The following ZNF654 variants were observed in gnomAD, a reference collection of about 807,000 sequenced individuals.
ZNF654 encodes the protein zinc finger protein 654.
A neutral mutation model predicts 95.3 loss-of-function variants in ZNF654; 19 were observed. The observed-to-expected ratio is 0.20, with a 90% CI of 0.14 to 0.29. The LOEUF (loss-of-function observed/expected upper bound fraction) is 0.29. Ranked by LOEUF, ZNF654 falls within the 10% of genes least tolerant of loss-of-function variation. ZNF654 has a pLI of 1.00. For synonymous variants in ZNF654, 413 were observed against 457.9 expected, an observed-to-expected ratio of 0.90 and a Z score of 1.25; for missense variants, 1,046 against 1,341.0, an observed-to-expected ratio of 0.78 and a Z score of 3.44.
At chr3:88,060,029 G>C (rs1057176399) in intron 1 of ZNF654, among the ~76,000 whole-genome samples, 2 of 151,954 alleles carry the variant, frequency 1.3e-5, no homozygotes, top group Non-Finnish European at 2.9e-5. Flanking sequence ...AGATCCCGCT[G>C]GGCCGGTTCT....
At chr3:88,087,277 C>T (rs1254859136) in intron 2 of ZNF654, among the ~76,000 whole-genome samples, 1 of 151,772 alleles carries the variant, frequency 6.6e-6, no homozygotes, top group African/African-American at 2.4e-5. Context: ...AGGGTTTCAC[C>T]GTGTTGGCCA....
chr3:88,075,154 T>C (rs1707730355), intron 1 of ZNF654, among the ~76,000 whole-genome samples: 1 of 152,256 alleles, frequency 6.6e-6, no homozygotes, highest in South Asian at 2.1e-4. Context: ...TTCTGTTTCT[T>C]CTGTGTTTTC....
At chr3:88,095,106 A>C (rs1188506280) in intron 2 of ZNF654, among the ~76,000 whole-genome samples, 3 of 152,174 alleles carry the variant, frequency 2.0e-5, no homozygotes, top group Admixed American at 2.0e-4. Flanking sequence ...CTTATTAGCT[A>C]TAGTTTTCTT....
At chr3:88,104,658 T>A (rs1482421037) in intron 2 of ZNF654, among the ~76,000 whole-genome samples, 1 of 152,226 alleles carries the variant, frequency 6.6e-6, no homozygotes, top group African/African-American at 2.4e-5. Flanking sequence ...TAAAGATATG[T>A]ATATTTGTAA....
At chr3:88,137,236 T>C (rs1183773586) in intron 7 of ZNF654, among the ~76,000 whole-genome samples, 4 of 143,726 alleles carry the variant, frequency 2.8e-5, no homozygotes, top group Non-Finnish European at 6.1e-5. Context: ...GATAGAAGTA[T>C]GGAGAAAGAA....
chr3:88,065,015 C>T (rs1443460741), intron 1 of ZNF654, among the ~76,000 whole-genome samples: 1 of 152,180 alleles, frequency 6.6e-6, no homozygotes, highest in African/African-American at 2.4e-5. Context: ...TTTTTAATTG[C>T]ATTGATAATA....
In ZNF654 at chr3:88,139,712, T is replaced by A; in HGVS notation, c.2043T>A (p.Ser681Arg). 1 of 1,567,972 alleles carries A rather than the reference T, an allele frequency of 6.4e-7. No individual in the cohort carries two copies. The highest frequency in any genetic ancestry group is 8.7e-7 in the Non-Finnish European group (1 of 1,155,196). ...DVIENVIENGSPNNSLNNVFK... is the reference protein window; with the variant it reads ...DVIENVIENGRPNNSLNNVFK... Reference sequence around the variant, plus strand: ...TTGAAAATGTTATTGAAAATGGCAGTCCTAATAATTCTTTAAATAATGTTT... The same window carrying A: ...TTGAAAATGTTATTGAAAATGGCAGACCTAATAATTCTTTAAATAATGTTT... The change falls in exon 8 of 9, where the codon AGT (serine) becomes AGA (arginine). Residue 681 changes from serine to arginine, a missense_variant. Ser to Arg is a moderately radical substitution (Grantham distance 110). Coordinates refer to ENST00000636215, the MANE Select transcript of ZNF654 (RefSeq NM_001350134.2).
At chr3:88,132,460 AAAAG>A (rs1706523086) in intron 6 of ZNF654, among the ~76,000 whole-genome samples, 2 of 152,208 alleles carry the variant, frequency 1.3e-5, no homozygotes, top group South Asian at 2.1e-4. Flanking sequence ...TTGGTCTTCT[AAAAG>A]AAGACTGTCA....
intron 1 of ZNF654, among the ~76,000 whole-genome samples, chr3:88,065,540 T>C (rs577731988): frequency 6.6e-6 from 1 of 152,338 alleles, no homozygotes; most frequent in East Asian, 1.9e-4. Context: ...ATTTCACCTT[T>C]GTAAATAAAA....
At chr3:88,138,362 T>A (rs1706926456) in intron 7 of ZNF654, among the ~76,000 whole-genome samples, 2 of 152,138 alleles carry the variant, frequency 1.3e-5, no homozygotes, top group Admixed American at 1.3e-4. Context: ...ATGAGATTTG[T>A]ACCTACAATA....
intron 1 of ZNF654, among the ~76,000 whole-genome samples, chr3:88,078,115 A>T: frequency 6.6e-6 from 1 of 152,172 alleles, no homozygotes; most frequent in Non-Finnish European, 1.5e-5. Context: ...TGAATATCGG[A>T]CTGATTTCTT....
intron 1 of ZNF654, among the ~76,000 whole-genome samples, chr3:88,079,466 A>G (rs1487469238): frequency 1.3e-5 from 2 of 152,092 alleles, no homozygotes; most frequent in Admixed American, 6.5e-5. Flanking sequence ...AAAACTTCAA[A>G]CTGGAACTGA....
At chr3:88,063,149 C>G (rs1235303357) in intron 1 of ZNF654, among the ~76,000 whole-genome samples, 1 of 152,114 alleles carries the variant, frequency 6.6e-6, no homozygotes, top group African/African-American at 2.4e-5. Flanking sequence ...CTGCTGACAT[C>G]TAGTGCATGG....
chr3:88,083,588 G>A lies in ZNF654; in HGVS notation c.187-2669G>A, dbSNP rs1708189724. ...TTCTGTAAATATTCACTACAGTAAT[G>A]TTTGTTATGCTCTTCAAAATGAGAA... On this transcript the variant is annotated intron_variant, in intron 1 of 8. Coordinates refer to ENST00000636215, the MANE Select transcript of ZNF654 (RefSeq NM_001350134.2). 2.0e-5 allele frequency among the ~76,000 whole-genome samples: 3 copies of A among 152,238 alleles called. No homozygotes were observed. In the South Asian group the frequency reaches 6.2e-4, roughly 32 times the overall value.
intron 3 of ZNF654, among the ~76,000 whole-genome samples, chr3:88,115,067 A>G (rs114642033): frequency 5.8e-4 from 89 of 152,318 alleles, no homozygotes; most frequent in African/African-American, 1.9e-3. Context: ...CTCGTCTCCC[A>G]TAAGTAGGAC....
intron 1 of ZNF654, among the ~76,000 whole-genome samples, chr3:88,079,952 G>GT (rs1156256756): frequency 1.9e-4 from 28 of 150,880 alleles, no homozygotes; most frequent in Admixed American, 4.6e-4. Flanking sequence ...CCATTTTGGT[G>GT]TTTTTTTTTA....
intron 3 of ZNF654, among the ~76,000 whole-genome samples, chr3:88,116,914 G>C (rs1269506181): frequency 1.3e-5 from 2 of 152,108 alleles, no homozygotes; most frequent in African/African-American, 4.8e-5. Context: ...TGTTCTAGAT[G>C]TTCTAGGTAA....
Position 88,141,625 on chromosome 3 carries a change from A to G in ZNF654, c.3380-20A>G. 6.8e-7 allele frequency: 1 copy of G among 1,476,938 alleles called. No homozygotes were observed. Among genetic ancestry groups the G allele is most frequent in the Admixed American group, 2.0e-5 (1 of 49,298 alleles). The allele number at this position is 1,476,938 out of a possible 1,614,324, so 91.5% of individuals were successfully genotyped here. A position where few individuals can be genotyped will look rare whatever the true frequency, so the allele number is the denominator to read the frequency against. ...GAATGTCAATAAAACTTGCATTAAC[A>G]GATGTGTTCTGTTTTACAGGTGCCT... On this transcript the variant is annotated intron_variant, in intron 8 of 8. Transcript: ENST00000636215.
chr3:88,139,610 T>G lies in ZNF654; in HGVS notation c.1941T>G (p.Ser647Arg). 1 of 1,613,736 alleles carries G rather than the reference T, an allele frequency of 6.2e-7. No individual in the cohort carries two copies. Among genetic ancestry groups the G allele is most frequent in the Non-Finnish European group, 8.5e-7 (1 of 1,179,750 alleles). The change falls in exon 8 of 9, where the codon AGT becomes AGG. Residue 647 changes from serine (S) to arginine (R), a missense_variant. Ser to Arg is a moderately radical substitution (Grantham distance 110). Transcript: ENST00000636215. The stretch of plus-strand genomic sequence containing the variant: ...AAGTGGAGACACTTACTGCTTCTAG[T>G]GAAGGAAACAAAGAAGTCATCCCTG... ...DLEVETLTAS[S>R]EGNKEVIPEH...
Sources: allele counts gnomAD v4.1 joint callset (sites outside exome capture counted in the v4.1 genomes callset), GRCh38; gene constraint gnomAD v4.1.1; transcripts MANE v1.5; gene names NCBI Gene and HGNC (gene_info 2026-07-23, HGNC 2026-07-21).